The following NALF1 variants were observed in gnomAD, a reference collection of about 807,000 sequenced individuals.
The protein encoded by NALF1 is NALCN channel auxiliary factor 1.
In NALF1, 3 loss-of-function variants were observed where a neutral mutation model predicts 48.4. That is an observed-to-expected ratio of 0.06 (90% CI 0.03 to 0.16). The LOEUF (loss-of-function observed/expected upper bound fraction) is 0.16, where lower values mean the gene tolerates loss of function less well. Among genes scored for constraint, NALF1 ranks in the 10% least tolerant of loss-of-function variants. NALF1 has a pLI of 1.00. For synonymous variants in NALF1, 262 were observed against 245.7 expected, an observed-to-expected ratio of 1.07 and a Z score of -0.62; for missense variants, 526 against 571.5, an observed-to-expected ratio of 0.92 and a Z score of 0.81.
chr13:107,501,116 A>T (rs975829940), intron 1 of NALF1, among the ~76,000 whole-genome samples: 13 of 151,586 alleles, frequency 8.6e-5, no homozygotes, highest in East Asian at 3.9e-4. Flanking sequence ...AATAAAATTT[A>T]AAAAAAAAGA....
At chr13:107,726,913 TTGTGTGTGTGTGTGTGTG>T (rs1171461096) in intron 1 of NALF1, among the ~76,000 whole-genome samples, 17 of 126,398 alleles carry the variant, frequency 1.3e-4, no homozygotes, top group East Asian at 3.1e-4. Context: ...CGGCAAATTC[TTGTGTGTGTGTGTGTGTG>T]TGTGTGTGTG....
intron 1 of NALF1, among the ~76,000 whole-genome samples, chr13:107,355,930 G>A (rs1175903560): frequency 1.3e-5 from 2 of 152,180 alleles, no homozygotes; most frequent in Admixed American, 6.5e-5. Flanking sequence ...GGGTATGTTA[G>A]TGCATTTAAT....
chr13:107,368,584 T>C (rs569373811), intron 1 of NALF1, among the ~76,000 whole-genome samples: 16 of 152,358 alleles, frequency 1.1e-4, no homozygotes, highest in Non-Finnish European at 1.6e-4. Flanking sequence ...CTTCTTGGCA[T>C]GCCTCGGCTT....
chr13:107,349,906 T>C (rs755252867), intron 1 of NALF1, among the ~76,000 whole-genome samples: 80 of 152,100 alleles, frequency 5.3e-4, no homozygotes, highest in Non-Finnish European at 9.0e-4. Context: ...ACCGACTTCA[T>C]GGAGGACAAT....
intron 1 of NALF1, among the ~76,000 whole-genome samples, chr13:107,822,048 A>G (rs1879374921): frequency 6.6e-6 from 1 of 152,082 alleles, no homozygotes; most frequent in African/African-American, 2.4e-5. Flanking sequence ...AAAATTAATC[A>G]CAACTATGTC....
chr13:107,859,619 G>A (rs1594318639), intron 1 of NALF1, among the ~76,000 whole-genome samples: 1 of 152,252 alleles, frequency 6.6e-6, no homozygotes, highest in Non-Finnish European at 1.5e-5. Flanking sequence ...AAGAATCAGA[G>A]TAGGCGGGTG....
chr13:107,767,071 A>G (rs192379324), intron 1 of NALF1, among the ~76,000 whole-genome samples: 84 of 152,332 alleles, frequency 5.5e-4, no homozygotes, highest in African/African-American at 1.9e-3. Flanking sequence ...CAGGAAAAAA[A>G]TATAGAAAAG....
chr13:107,328,273 TACACACACACACACAC>T (rs34987619), intron 1 of NALF1, among the ~76,000 whole-genome samples: 6 of 144,008 alleles, frequency 4.2e-5, no homozygotes, highest in African/African-American at 1.0e-4. Context: ...TCTCCTGCAA[TACACACACACACACAC>T]ACACACACAC....
At chr13:107,676,676 C>A (rs1398637426) in intron 1 of NALF1, among the ~76,000 whole-genome samples, 1 of 150,574 alleles carries the variant, frequency 6.6e-6, no homozygotes, top group Admixed American at 6.6e-5. Flanking sequence ...CTACAATTTA[C>A]AGAAAAGATG....
At chr13:107,548,011 A>G (rs1877179861) in intron 1 of NALF1, among the ~76,000 whole-genome samples, 1 of 152,010 alleles carries the variant, frequency 6.6e-6, no homozygotes, top group South Asian at 2.1e-4. Context: ...GTGCACGTGC[A>G]GGTTTGTTAT....
At chr13:107,628,281 A>T (rs1363259947) in intron 1 of NALF1, among the ~76,000 whole-genome samples, 1 of 152,126 alleles carries the variant, frequency 6.6e-6, no homozygotes, top group African/African-American at 2.4e-5. Context: ...GGCACTTCCG[A>T]CTGCCTCACT....
At chr13:107,532,350 T>C (rs1289881739) in intron 1 of NALF1, among the ~76,000 whole-genome samples, 2 of 152,124 alleles carry the variant, frequency 1.3e-5, no homozygotes, top group Non-Finnish European at 2.9e-5. Flanking sequence ...TTGTTTCCCT[T>C]GGCTGAGCTC....
rs545698721 is a variant in NALF1 at position 107,612,190 on chromosome 13, T to C, written c.915+253492A>G. ...GGAAGGAAGGAAGGAAAGAAAACAA[T>C]AATGCATGATTCCAATTATATGAAC... On this transcript the variant is annotated intron_variant, in intron 1 of 2. Transcript: ENST00000375915. Among the ~76,000 whole-genome samples the C allele has an allele frequency of 6.8e-5, 10 of 147,604 alleles. No individual in the cohort carries two copies. In the South Asian group the frequency reaches 8.8e-4, roughly 13 times the overall value.
chr13:107,585,485 G>T (rs1878430259), intron 1 of NALF1, among the ~76,000 whole-genome samples: 1 of 152,116 alleles, frequency 6.6e-6, no homozygotes, highest in Non-Finnish European at 1.5e-5. Flanking sequence ...TTTTCTGAAG[G>T]TTTCATAGAG....
At chr13:107,817,637 T>G (rs1879206361) in intron 1 of NALF1, among the ~76,000 whole-genome samples, 1 of 152,192 alleles carries the variant, frequency 6.6e-6, no homozygotes, top group Non-Finnish European at 1.5e-5. Flanking sequence ...TTGTTTTCAA[T>G]TTATCACCAA....
intron 1 of NALF1, among the ~76,000 whole-genome samples, chr13:107,828,436 G>T (rs1460291906): frequency 2.0e-5 from 3 of 150,360 alleles, no homozygotes; most frequent in Admixed American, 1.3e-4. Flanking sequence ...CATTTAATTT[G>T]ATTAAATCAA....
At chr13:107,412,433 T>C (rs945570132) in intron 1 of NALF1, among the ~76,000 whole-genome samples, 4 of 152,122 alleles carry the variant, frequency 2.6e-5, no homozygotes, top group Admixed American at 1.3e-4. Context: ...TCCAGGGCAG[T>C]GATTTCATAG....
chr13:107,339,414 T>C (rs1882627119), intron 1 of NALF1, among the ~76,000 whole-genome samples: 1 of 151,990 alleles, frequency 6.6e-6, no homozygotes, highest in African/African-American at 2.4e-5. Flanking sequence ...CTAGTAGGTT[T>C]GTGAAAATAT....
intron 1 of NALF1, among the ~76,000 whole-genome samples, chr13:107,385,258 T>C (rs1329355118): frequency 6.6e-6 from 1 of 152,122 alleles, no homozygotes; most frequent in Non-Finnish European, 1.5e-5. Context: ...TCAATTGTCT[T>C]AAAAGCGTAT....
Sources: gnomAD v4.1 joint callset for allele counts (sites outside exome capture counted in the v4.1 genomes callset) on GRCh38, gnomAD v4.1.1 for gene constraint, MANE v1.5 for transcripts, NCBI Gene and HGNC (gene_info 2026-07-23, HGNC 2026-07-21) for gene names.